Variants in SCUBE2 observed in about 807,000 individuals in gnomAD.
SCUBE2 encodes signal peptide, CUB and EGF-like domain-containing protein 2.
A neutral mutation model predicts 125.9 loss-of-function variants in SCUBE2; 114 were observed. The observed-to-expected ratio is 0.91, with a 90% CI of 0.78 to 1.06. SCUBE2 has a LOEUF of 1.06. SCUBE2 is among the 50% of genes least tolerant of loss of function. The pLI is 0.00. For missense variants in SCUBE2, 1,255 were observed against 1,301.8 expected (o/e 0.96, Z 0.55); for synonymous variants, 459 against 492.9 (o/e 0.93, Z 0.91).
intron 16 of SCUBE2, among the ~76,000 whole-genome samples, chr11:9,038,908 G>A (rs534624790): frequency 7.6e-5 from 11 of 144,394 alleles, no homozygotes; most frequent in Admixed American, 3.4e-4. Flanking sequence ...TTCTTTTTTC[G>A]TTTAGGAGAC....
chr11:9,080,435 T>C (rs1861538963), intron 2 of SCUBE2, among the ~76,000 whole-genome samples: 2 of 152,116 alleles, frequency 1.3e-5, no homozygotes, highest in East Asian at 1.9e-4. Flanking sequence ...GGAGGATCAA[T>C]TGAGCCCAGG....
rs570524166 is a variant in SCUBE2, at chr11:9,020,192, G to A, written c.*853C>T. ...CCTTGGCAATACCGACTCAGGGTTGGTGAAATCGCCTTTTCATGACAATTG... is the reference window on the plus strand; with the variant it reads ...CCTTGGCAATACCGACTCAGGGTTGATGAAATCGCCTTTTCATGACAATTG... On this transcript the variant is annotated 3_prime_UTR_variant, in exon 23 of 23. Transcript: ENST00000649792. 7.2e-5 allele frequency among the ~76,000 whole-genome samples: 11 copies of A among 152,312 alleles called. No homozygotes were observed. The South Asian group carries it at 2.3e-3, about 32-fold the overall frequency.
chr11:9,027,319 G>A, intron 20 of SCUBE2, 45 bp downstream of exon 20: 2 of 1,596,996 alleles, frequency 1.3e-6, no homozygotes, highest in Non-Finnish European at 1.7e-6. Context: ...AGGTCATCAG[G>A]CTTCCCAGCT....
At chr11:9,040,092 GC>G (rs1857081778) in intron 16 of SCUBE2, among the ~76,000 whole-genome samples, 2 of 152,144 alleles carry the variant, frequency 1.3e-5, no homozygotes, top group Non-Finnish European at 2.9e-5. Context: ...TGCATCTTCT[GC>G]TCCTAGCACA....
intron 21 of SCUBE2, chr11:9,024,338 G>T: frequency 7.9e-7 from 1 of 1,272,364 alleles, no homozygotes; most frequent in Non-Finnish European, 1.0e-6. Context: ...AGAGCCATGT[G>T]GGAGGCATTT....
intron 13 of SCUBE2, 48 bp downstream of exon 13, chr11:9,052,698 C>A: frequency 7.2e-7 from 1 of 1,395,598 alleles, no homozygotes; most frequent in East Asian, 2.5e-5. Context: ...AATGAAGCCC[C>A]TTGAACACAG....
Position 9,033,755 on chromosome 11 carries a change from G to A in SCUBE2, c.2044C>T (p.Arg682Cys), listed in dbSNP as rs751441341. Reference sequence around the variant, plus strand: ...GTTCCATTTGGACATAAAATGCAGCGTTCTCGTGCTCCATCATAATAGGTC... The same window carrying A: ...GTTCCATTTGGACATAAAATGCAGCATTCTCGTGCTCCATCATAATAGGTC... ...AGTYYDGARE[R>C]CILCPNGTFQ... is the part of the protein sequence containing the mutation. Residue 682 changes from arginine (R) to cysteine (C), a missense_variant, in exon 17 of 23, where the codon CGC becomes TGC. Around this residue, in one of 3 missense-constraint regions of SCUBE2, gnomAD observed 515 missense variants for 515.7 expected, o/e 1.00. Transcript: ENST00000649792. The A allele has an allele frequency of 8.7e-6, 14 of 1,613,892 alleles. No individual in the cohort carries two copies. The highest frequency in any genetic ancestry group is 1.6e-4 in the Middle Eastern group (1 of 6,084).
Position 9,053,747 on chromosome 11 carries a change from C to T in SCUBE2, c.1220G>A (p.Cys407Tyr). ...GFTHCGDTNE[C>Y]SINNGGCQQV... ...CTGACAGCCTCCGTTGTTGATGCTG[C>T]ACTCATTGGTGTCTGTGGAACAAAA... The change falls in exon 11 of 23, where the codon TGC becomes TAC. Residue 407 changes from cysteine to tyrosine, a missense_variant. Physicochemically the swap from Cys to Tyr is radical, Grantham distance 194. This residue lies in a region of SCUBE2 where 378 missense variants were observed against 463.1 expected (regional missense o/e 0.82). Coordinates refer to ENST00000649792, the MANE Select transcript of SCUBE2 (RefSeq NM_001367977.2). 1.2e-6 allele frequency: 2 copies of T among 1,613,756 alleles called. No individual in the cohort carries two copies. Among genetic ancestry groups the T allele is most frequent in the Non-Finnish European group, 1.7e-6 (2 of 1,179,732 alleles).
intron 16 of SCUBE2, among the ~76,000 whole-genome samples, chr11:9,041,340 A>T (rs1857222245): frequency 6.6e-6 from 1 of 152,212 alleles, no homozygotes; most frequent in Admixed American, 6.5e-5. Flanking sequence ...AATCGCCAGC[A>T]TGTGGTGGTA....
chr11:9,047,230 A>C, intron 16 of SCUBE2, 126 bp downstream of exon 16: 1 of 920,164 alleles, frequency 1.1e-6, no homozygotes, highest in Non-Finnish European at 1.7e-6. Context: ...AAACAGAAGC[A>C]CTGCCCGGAG....
intron 2 of SCUBE2, among the ~76,000 whole-genome samples, chr11:9,084,570 G>A (rs1456873506): frequency 6.6e-6 from 1 of 152,042 alleles, no homozygotes; most frequent in Non-Finnish European, 1.5e-5. Flanking sequence ...AGAAAACCCA[G>A]TAAACCCCAT....
chr11:9,051,237 C>CCTACCTATCTATCTAT (rs1555245415), intron 13 of SCUBE2, among the ~76,000 whole-genome samples: 147 of 150,390 alleles, frequency 9.8e-4, no homozygotes, highest in African/African-American at 3.2e-3. Context: ...TACCTACCTA[C>CCTACCTATCTATCTAT]CTATCTATCT....
chr11:9,043,290 A>G (rs986619915), intron 16 of SCUBE2, among the ~76,000 whole-genome samples: 5 of 152,188 alleles, frequency 3.3e-5, no homozygotes, highest in Admixed American at 3.3e-4. Flanking sequence ...ACACACATGC[A>G]TACACACACA....
intron 16 of SCUBE2, among the ~76,000 whole-genome samples, chr11:9,042,684 C>T (rs3794147): frequency 0.13 from 20,219 of 152,108 alleles, 1,363 homozygotes; most frequent in Middle Eastern, 0.17. Flanking sequence ...CTGGCGTTTT[C>T]TCAGTGCCTC....
chr11:9,089,658 A>C, intron 2 of SCUBE2, 49 bp downstream of exon 2: 1 of 1,600,330 alleles, frequency 6.2e-7, no homozygotes, highest in Non-Finnish European at 8.5e-7. Context: ...AGAGCTAAGG[A>C]GGTAGGAGCT....
chr11:9,029,777 G>A, intron 19 of SCUBE2, 107 bp downstream of exon 19: 1 of 1,213,356 alleles, frequency 8.2e-7, no homozygotes, highest in Non-Finnish European at 1.2e-6. Flanking sequence ...ACATCTACAT[G>A]GTTCTGAGTG....
intron 21 of SCUBE2, chr11:9,022,586 G>A (rs1353330798): frequency 6.6e-6 from 1 of 152,586 alleles, no homozygotes; most frequent in Non-Finnish European, 1.5e-5. Context: ...CCAACGGCCA[G>A]TTCTTGGTCT....
chr11:9,040,173 G>A (rs1201029922), intron 16 of SCUBE2, among the ~76,000 whole-genome samples: 2 of 152,158 alleles, frequency 1.3e-5, no homozygotes, highest in Admixed American at 1.3e-4. Context: ...CTGGAACCTC[G>A]GAGAGTACCA....
rs572875981 is a variant in SCUBE2, at chr11:9,047,290, C to A, written c.2002+66G>T. On this transcript the variant is annotated intron_variant, in intron 16 of 22. Transcript: ENST00000649792. ...AGGGAGGATGGGCCAGACTTGCCTTCGGTTACCCTGAGTGTTTATGGAGCC... is the reference window on the plus strand; with the variant it reads ...AGGGAGGATGGGCCAGACTTGCCTTAGGTTACCCTGAGTGTTTATGGAGCC... 1.0e-5 allele frequency: 16 copies of A among 1,550,604 alleles called. No homozygotes were observed. In the African/African-American group the frequency reaches 2.2e-4, roughly 21 times the overall value.
Sources: gnomAD v4.1 joint callset for allele counts (sites outside exome capture counted in the v4.1 genomes callset) on GRCh38, gnomAD v4.1.1 for gene constraint, gnomAD v4.1.1 regional missense constraint, MANE v1.5 for transcripts, NCBI Gene and HGNC (gene_info 2026-07-23, HGNC 2026-07-21) for gene names.